The following GNG2 variants were observed in gnomAD, a reference collection of about 807,000 sequenced individuals.
GNG2 encodes the protein G protein subunit gamma 2.
GNG2 carries 5 observed loss-of-function variants against 5.5 expected under a neutral mutation model. The ratio of observed to expected loss-of-function variants is 0.91; its 90% confidence interval spans 0.48 to 1.92. GNG2 has a LOEUF of 1.92. Among genes scored for constraint, GNG2 ranks in the 30% most tolerant of loss-of-function variants. The probability of loss-of-function intolerance (pLI) is 0.01; values close to 1 mark genes in which losing one functional copy is unlikely to be tolerated. For synonymous variants in GNG2, 28 were observed against 32.0 expected (o/e 0.88, Z 0.42); for missense variants, 55 against 88.4 (o/e 0.62, Z 1.52).
intron 1 of GNG2, among the ~76,000 whole-genome samples, chr14:51,866,868 T>C (rs1309192146): frequency 6.6e-6 from 1 of 152,218 alleles, no homozygotes; most frequent in Non-Finnish European, 1.5e-5. Flanking sequence ...ACATCATTCA[T>C]TCTCCTCTTC....
At chr14:51,886,144 AG>A (rs1257275286) in intron 2 of GNG2, among the ~76,000 whole-genome samples, 1 of 152,250 alleles carries the variant, frequency 6.6e-6, no homozygotes, top group Non-Finnish European at 1.5e-5. Flanking sequence ...TATGCAAAAA[AG>A]GTTGATGTCA....
intron 2 of GNG2, among the ~76,000 whole-genome samples, chr14:51,851,942 TG>T (rs1881927303): frequency 6.6e-6 from 1 of 152,218 alleles, no homozygotes; most frequent in Non-Finnish European, 1.5e-5. Flanking sequence ...CTGCACCAAG[TG>T]TGTTGCTGGA....
At chr14:51,965,579 C>A (rs531798289) in intron 3 of GNG2, among the ~76,000 whole-genome samples, 61 of 152,244 alleles carry the variant, frequency 4.0e-4, no homozygotes, top group Non-Finnish European at 7.6e-4. Flanking sequence ...TCAGTGACGA[C>A]CTCCCAGTGA....
intron 3 of GNG2, among the ~76,000 whole-genome samples, chr14:51,960,607 A>G (rs1287095345): frequency 6.6e-6 from 1 of 152,230 alleles, no homozygotes; most frequent in Admixed American, 6.5e-5. Context: ...TTAAAATAAC[A>G]ATTGTTTAAA....
chr14:51,868,100 C>G (rs1433701921), intron 1 of GNG2, among the ~76,000 whole-genome samples: 1 of 152,122 alleles, frequency 6.6e-6, no homozygotes, highest in African/African-American at 2.4e-5. Context: ...ATGGGGAAAA[C>G]AGACAAATAC....
rs555697448 is a variant in GNG2, at chr14:51,829,561, C to G, written c.64+1754C>G. Among the ~76,000 whole-genome samples, 14 of 152,316 alleles carry G rather than the reference C, an allele frequency of 9.2e-5. No homozygotes were observed. The South Asian group carries it at 2.9e-3, about 32-fold the overall frequency. ...TTGCATAACTGCTATTTCCTACCAT[C>G]CTTATAAATAAAAACCCTATCTTGA... On this transcript the variant is annotated intron_variant, in intron 2 of 3. Coordinates refer to the GNG2 transcript ENST00000553432.
upstream of GNG2, among the ~76,000 whole-genome samples, chr14:51,859,610 A>C (rs996295135): frequency 6.6e-6 from 1 of 152,192 alleles, no homozygotes; most frequent in African/African-American, 2.4e-5. Flanking sequence ...ATCATCAACT[A>C]TGTTTTGCAG....
chr14:51,854,072 C>T (rs541190804), intron 2 of GNG2, among the ~76,000 whole-genome samples: 1 of 152,188 alleles, frequency 6.6e-6, no homozygotes, highest in African/African-American at 2.4e-5. Flanking sequence ...TGTGGTTTCA[C>T]TGTGTTGGCC....
At chr14:51,945,715 A>G (rs1888604208) in intron 2 of GNG2, among the ~76,000 whole-genome samples, 3 of 152,216 alleles carry the variant, frequency 2.0e-5, no homozygotes, top group South Asian at 4.1e-4. Flanking sequence ...ATTTTTTAAA[A>G]AAGAAAAATG....
chr14:51,934,525 A>G (rs1887853127), intron 2 of GNG2, among the ~76,000 whole-genome samples: 1 of 152,146 alleles, frequency 6.6e-6, no homozygotes, highest in South Asian at 2.1e-4. Flanking sequence ...TCAAGCAGTC[A>G]TTTATCTCAG....
intron 2 of GNG2, among the ~76,000 whole-genome samples, chr14:51,920,863 T>A (rs1252906262): frequency 6.6e-6 from 1 of 152,196 alleles, no homozygotes; most frequent in Non-Finnish European, 1.5e-5. Context: ...CATGGAAACA[T>A]GGGAGCTGGG....
intron 2 of GNG2, among the ~76,000 whole-genome samples, chr14:51,900,760 T>C (rs1023327367): frequency 1.3e-5 from 2 of 152,094 alleles, no homozygotes; most frequent in African/African-American, 4.8e-5. Flanking sequence ...TCTTTCCAGC[T>C]GGCCTTAGTG....
At chr14:51,850,885 C>G (rs953563175) in intron 2 of GNG2, among the ~76,000 whole-genome samples, 10 of 152,218 alleles carry the variant, frequency 6.6e-5, no homozygotes, top group African/African-American at 2.2e-4. Flanking sequence ...GGGAATGTCC[C>G]AAGCCATTCA....
intron 1 of GNG2, among the ~76,000 whole-genome samples, chr14:51,866,433 T>C (rs1309525983): frequency 6.6e-6 from 1 of 152,264 alleles, no homozygotes; most frequent in African/African-American, 2.4e-5. Flanking sequence ...TCTGTCTTTC[T>C]GAGAAGGCAC....
chr14:51,923,567 T>TAC (rs142081387), intron 2 of GNG2, among the ~76,000 whole-genome samples: 71,557 of 149,932 alleles, frequency 0.48, 17,134 homozygotes, highest in East Asian at 0.61. Flanking sequence ...AAACACACAA[T>TAC]ACACACACAC....
chr14:51,958,446 C>CCT (rs1555358462), intron 3 of GNG2, among the ~76,000 whole-genome samples: 1 of 145,258 alleles, frequency 6.9e-6, no homozygotes, highest in Non-Finnish European at 1.5e-5. Context: ...CGTTCCCCCC[C>CCT]CCCATTTATA....
At chr14:51,897,745 G>A (rs552735185) in intron 2 of GNG2, among the ~76,000 whole-genome samples, 83 of 152,338 alleles carry the variant, frequency 5.4e-4, no homozygotes, top group South Asian at 2.7e-3. Flanking sequence ...GTGAACTTAC[G>A]TGATGGCCAA....
intron 2 of GNG2, among the ~76,000 whole-genome samples, chr14:51,834,378 C>T (rs977513295): frequency 4.6e-5 from 7 of 152,222 alleles, no homozygotes; most frequent in East Asian, 1.9e-4. Context: ...CTGCCTGCCA[C>T]GGACTCCCCT....
At chr14:51,853,490 A>G (rs1882008158) in intron 2 of GNG2, among the ~76,000 whole-genome samples, 2 of 152,208 alleles carry the variant, frequency 1.3e-5, no homozygotes, top group South Asian at 4.1e-4. Context: ...AATTTATGAA[A>G]ACCCCTTCCA....
Sources: allele counts gnomAD v4.1 joint callset (sites outside exome capture counted in the v4.1 genomes callset), GRCh38; gene constraint gnomAD v4.1.1; transcripts MANE v1.5; gene names NCBI Gene and HGNC (gene_info 2026-07-23, HGNC 2026-07-21).